MAFF: variants seen among roughly 807,000 people sequenced by gnomAD.
MAFF encodes MAF bZIP transcription factor F.
Under a neutral mutation model 2.7 loss-of-function variants are expected in MAFF, and 4 were observed. That is an observed-to-expected ratio of 1.48 (90% CI 0.73 to 3.39). The LOEUF (loss-of-function observed/expected upper bound fraction) is 3.39. Among genes scored for constraint, MAFF ranks in the 30% most tolerant of loss-of-function variants. The pLI, the probability that MAFF is intolerant of heterozygous loss-of-function variation, is 0.01. For synonymous variants in MAFF, 113 were observed against 119.4 expected (o/e 0.95, Z 0.35); for missense variants, 190 against 246.6 (o/e 0.77, Z 1.54).
chr22:38,203,066 C>T (rs1279341607), intron 1 of MAFF: 1 of 152,306 alleles, frequency 6.6e-6, no homozygotes, highest in East Asian at 1.9e-4. Flanking sequence ...CTTGGCACCC[C>T]GGTGGATCTG....
rs999538977 is a variant in MAFF at position 38,214,815 on chromosome 22, G to A, written c.432G>A (p.Pro144=). 12 of 1,489,122 alleles carry A rather than the reference G, an allele frequency of 8.1e-6. No individual in the cohort carries two copies. Among genetic ancestry groups the A allele is most frequent in the South Asian group, 2.5e-5 (2 of 79,040 alleles). The allele number at this position is 1,489,122 out of a possible 1,614,324, so 92.2% of individuals were successfully genotyped here. Residue 144 remains proline, a synonymous_variant, in exon 3 of 3, where the codon CCG becomes CCA. Coordinates refer to ENST00000338483, the MANE Select transcript of MAFF (RefSeq NM_012323.4). The surrounding 1 kb of genome is among the most constrained non-coding windows in gnomAD (Gnocchi z 6.3). ...ASVITIVKST[P]GSGSGPAHGP... ...TCATCACCATCGTCAAGTCCACCCC[G>A]GGCTCGGGGTCTGGCCCCGCCCACG... is the stretch of plus-strand genomic sequence containing the variant.
Position 38,210,623 on chromosome 22 carries a change from A to AGTGTGTGTGTGTGTGT in MAFF, c.-31-3177_-31-3162dup, listed in dbSNP as rs71195095. Among the ~76,000 whole-genome samples the AGTGTGTGTGTGTGTGT allele has an allele frequency of 7.5e-3, 996 of 132,974 alleles. 17 individuals are homozygous for AGTGTGTGTGTGTGTGT. Among genetic ancestry groups the AGTGTGTGTGTGTGTGT allele is most frequent in the Middle Eastern group, 0.011 (3 of 278 alleles). The allele number at this position is 132,974 out of a possible 152,430, so 87.2% of individuals were successfully genotyped here. A position where few individuals can be genotyped will look rare whatever the true frequency, so the allele number is the denominator to read the frequency against. The stretch of plus-strand genomic sequence containing the variant: ...CCTGAGGTGGGGAAGGGACACAGGG[A>AGTGTGTGTGTGTGTGT]GTGTGTGTGTGTGTGTGTGTGTGTG... On this transcript the variant is annotated intron_variant, in intron 1 of 2. Transcript: ENST00000338483.
Position 38,213,891 on chromosome 22 carries a change from T to C in MAFF, c.36+2T>C, listed in dbSNP as rs1186709282. 1.2e-6 allele frequency: 2 copies of C among 1,614,034 alleles called. No individual in the cohort carries two copies. Among genetic ancestry groups the C allele is most frequent in the Non-Finnish European group, 1.7e-6 (2 of 1,180,008 alleles). ...CCCCTATCCAGCAAAGCTCTAAAGG[T>C]GAGGAGGCAGCCTCTGTCAACCCAG... On this transcript the variant is annotated splice_donor_variant, in intron 2 of 2. Coordinates refer to ENST00000338483, the MANE Select transcript of MAFF (RefSeq NM_012323.4). LOFTEE classifies it high-confidence loss of function.
In MAFF at chr22:38,213,908, T is replaced by C; in HGVS notation, c.36+19T>C. 6.2e-7 allele frequency: 1 copy of C among 1,613,986 alleles called. No individual in the cohort carries two copies. The highest frequency in any genetic ancestry group is 8.5e-7 in the Non-Finnish European group (1 of 1,179,836). On this transcript the variant is annotated intron_variant, in intron 2 of 2. Transcript: ENST00000338483. ...TCTAAAGGTGAGGAGGCAGCCTCTG[T>C]CAACCCAGTGAAGCCCTCCCTCCCT...
intron 1 of MAFF, among the ~76,000 whole-genome samples, chr22:38,207,203 C>T (rs2091058679): frequency 1.3e-5 from 2 of 151,850 alleles, no homozygotes; most frequent in African/African-American, 4.8e-5. Flanking sequence ...TCACTGCAAC[C>T]TCTGCCTCCC....
At chr22:38,205,895 G>A (rs966685655) in intron 1 of MAFF, among the ~76,000 whole-genome samples, 3 of 152,248 alleles carry the variant, frequency 2.0e-5, no homozygotes, top group Admixed American at 6.5e-5. Flanking sequence ...GAGGTTACCA[G>A]AAAGTTCCCC....
In MAFF at chr22:38,202,240, T is replaced by C. The variant is rs1173277871; in HGVS notation, c.-32+28T>C. Reference sequence around the variant, plus strand: ...GAGGAACGCGGGACCAGGAGGACGGTGCGCGGGACCCCAAGGCGGCAGGGT... The same window carrying C: ...GAGGAACGCGGGACCAGGAGGACGGCGCGCGGGACCCCAAGGCGGCAGGGT... On this transcript the variant is annotated intron_variant, in intron 1 of 2. Transcript: ENST00000338483. The surrounding 1 kb of genome is among the most constrained non-coding windows in gnomAD (Gnocchi z 7.4). 6.6e-6 allele frequency: 1 copy of C among 152,256 alleles called. No individual in the cohort carries two copies. Among genetic ancestry groups the C allele is most frequent in the Non-Finnish European group, 1.5e-5 (1 of 68,158 alleles). The allele number at this position is 152,256 out of a possible 1,614,324, so 9.4% of individuals were successfully genotyped here. A position where few individuals can be genotyped will look rare whatever the true frequency, so the allele number is the denominator to read the frequency against.
In MAFF at chr22:38,214,708, G is replaced by A. The variant is rs1294256771; in HGVS notation, c.325G>A (p.Gly109Ser). The A allele has an allele frequency of 6.5e-7, 1 of 1,537,588 alleles. No individual in the cohort carries two copies. The highest frequency in any genetic ancestry group is 8.7e-7 in the Non-Finnish European group (1 of 1,143,902). Residue 109 changes from glycine (G) to serine (S), a missense_variant, in exon 3 of 3, where the codon GGC (glycine) becomes AGC (serine). Coordinates refer to ENST00000338483, the MANE Select transcript of MAFF (RefSeq NM_012323.4). This position sits in a 1 kb window ranked among gnomAD's most constrained non-coding sequence, Gnocchi z 6.3. ...GCGCCTGGAGCTCGACGCGCTGCGCGGCAAGTGCGAGGCGCTGCAGGGCTT... is the reference window on the plus strand; with the variant it reads ...GCGCCTGGAGCTCGACGCGCTGCGCAGCAAGTGCGAGGCGCTGCAGGGCTT... Reference protein sequence around the residue: ...AMRLELDALRGKCEALQGFAR... With the variant: ...AMRLELDALRSKCEALQGFAR...
Position 38,214,611 on chromosome 22 carries a change from G to A in MAFF, c.228G>A (p.Lys76=), listed in dbSNP as rs753173557. 21 of 1,578,774 alleles carry A rather than the reference G, an allele frequency of 1.3e-5. 1 individual carries two copies. The South Asian group carries it at 1.8e-4, about 14-fold the overall frequency. The part of the protein sequence containing the change: ...ASCRVKRVCQ[K]EELQKQKSEL... ...GCCGCGTGAAGCGCGTGTGCCAGAA[G>A]GAGGAGCTGCAGAAGCAGAAGTCGG... Residue 76 remains lysine, a synonymous_variant, in exon 3 of 3, where the codon AAG becomes AAA. Transcript: ENST00000338483. This position sits in a 1 kb window ranked among gnomAD's most constrained non-coding sequence, Gnocchi z 6.3.
intron 1 of MAFF, among the ~76,000 whole-genome samples, chr22:38,209,813 C>CAAAAA (rs398037113): frequency 1.6e-4 from 12 of 76,440 alleles, no homozygotes; most frequent in Non-Finnish European, 2.1e-4. Flanking sequence ...GACTCCATCT[C>CAAAAA]AAAAAAAAAA....
chr22:38,206,637 C>A (rs565778308), intron 1 of MAFF, among the ~76,000 whole-genome samples: 55 of 152,228 alleles, frequency 3.6e-4, no homozygotes, highest in African/African-American at 1.3e-3. Context: ...CAGGCGTGAG[C>A]CACCACGCCT....
At chr22:38,205,622 A>G (rs945118931) in intron 1 of MAFF, 1 of 152,222 alleles carries the variant, frequency 6.6e-6, no homozygotes, top group African/African-American at 2.4e-5. Flanking sequence ...AGAAGACGTC[A>G]TGAACCTGCA....
chr22:38,208,412 C>T (rs1400322472), intron 1 of MAFF, among the ~76,000 whole-genome samples: 10 of 152,186 alleles, frequency 6.6e-5, no homozygotes, highest in South Asian at 2.1e-4. Flanking sequence ...CCCAAAGTCA[C>T]GTGGATGGGA....
At chr22:38,206,671 T>G (rs2091054415) in intron 1 of MAFF, among the ~76,000 whole-genome samples, 1 of 152,080 alleles carries the variant, frequency 6.6e-6, no homozygotes, top group Admixed American at 6.5e-5. Flanking sequence ...CCTTTATATT[T>G]TACACACCAA....
chr22:38,213,297 A>G (rs894837743), intron 1 of MAFF, among the ~76,000 whole-genome samples: 3 of 152,078 alleles, frequency 2.0e-5, no homozygotes, highest in South Asian at 2.1e-4. Flanking sequence ...AGGCACATCT[A>G]TTCATTTGGT....
chr22:38,211,153 G>A (rs568081530), intron 1 of MAFF, among the ~76,000 whole-genome samples: 8 of 152,238 alleles, frequency 5.3e-5, no homozygotes, highest in Non-Finnish European at 1.2e-4. Flanking sequence ...GAGGAAGGGC[G>A]GGTGTGGCTG....
intron 1 of MAFF, among the ~76,000 whole-genome samples, chr22:38,209,845 A>T (rs2091084623): frequency 1.3e-5 from 2 of 152,000 alleles, no homozygotes; most frequent in East Asian, 3.9e-4. Flanking sequence ...AGGGAAAAAA[A>T]AAAGGCCTGC....
At chr22:38,212,310 T>G (rs1445347423) in intron 1 of MAFF, among the ~76,000 whole-genome samples, 1 of 152,174 alleles carries the variant, frequency 6.6e-6, no homozygotes, top group Non-Finnish European at 1.5e-5. Context: ...CTATCTTCCT[T>G]TATTTTCCTT....
At position 38,215,420 on chromosome 22, in the gene MAFF, G is replaced by A. The variant is rs898134142; in HGVS notation, c.*542G>A. 6.0e-6 allele frequency: 1 copy of A among 167,818 alleles called. No individual in the cohort carries two copies. Among genetic ancestry groups the A allele is most frequent in the Non-Finnish European group, 1.5e-5 (1 of 68,558 alleles). The allele number at this position is 167,818 out of a possible 1,614,324, so 10.4% of individuals were successfully genotyped here. On this transcript the variant is annotated 3_prime_UTR_variant, in exon 3 of 3. Transcript: ENST00000338483. ...AACCCAGTTCACGGATGGGGAAACA[G>A]GCCTGAGGTCACATTTCACTTAGTG...
Sources: gnomAD v4.1 joint callset for allele counts (sites outside exome capture counted in the v4.1 genomes callset) on GRCh38, gnomAD v4.1.1 for gene constraint, Gnocchi (gnomAD v3.1) non-coding constraint, MANE v1.5 for transcripts, NCBI Gene and HGNC (gene_info 2026-07-23, HGNC 2026-07-21) for gene names.